Variants in OXCT1 observed in about 807,000 individuals in gnomAD.
OXCT1 encodes the protein succinyl-CoA:3-ketoacid coenzyme A transferase 1, mitochondrial.
In OXCT1, 27 loss-of-function variants were observed where a neutral mutation model predicts 69.6. The ratio of observed to expected loss-of-function variants is 0.39; its 90% confidence interval spans 0.29 to 0.54. The LOEUF (loss-of-function observed/expected upper bound fraction) is 0.54, where lower values mean the gene tolerates loss of function less well. Among genes scored for constraint, OXCT1 ranks in the 20% least tolerant of loss-of-function variants. The probability of loss-of-function intolerance (pLI) is 0.72; values close to 1 mark genes in which losing one functional copy is unlikely to be tolerated. For synonymous variants in OXCT1, 202 were observed against 217.8 expected (o/e 0.93, Z 0.64); for missense variants, 437 against 650.2 (o/e 0.67, Z 3.57).
rs1261445521 is a variant in OXCT1 at position 41,762,023 on chromosome 5, TC to T, written c.1338+87del. 1.4e-5 allele frequency: 12 copies of T among 865,088 alleles called. No homozygotes were observed. Among genetic ancestry groups the T allele is most frequent in the Non-Finnish European group, 2.0e-5 (10 of 496,516 alleles). The allele number at this position is 865,088 out of a possible 1,614,324, so 53.6% of individuals were successfully genotyped here. A position where few individuals can be genotyped will look rare whatever the true frequency, so the allele number is the denominator to read the frequency against. On this transcript the variant is annotated intron_variant, in intron 14 of 16. Transcript: ENST00000196371. The surrounding 1 kb of genome is among the most constrained non-coding windows in gnomAD (Gnocchi z 4.0). ...CTTGAATGAGCCAGAGAAAATAAAA[TC>T]CACAGTTAGGTGACCTGGTGGTACA...
chr5:41,820,680 C>G (rs1321605732), intron 7 of OXCT1, among the ~76,000 whole-genome samples: 2 of 152,074 alleles, frequency 1.3e-5, no homozygotes, highest in Non-Finnish European at 2.9e-5. Context: ...AAGACACTTC[C>G]ATGTTTTCTC....
intron 7 of OXCT1, among the ~76,000 whole-genome samples, chr5:41,832,252 C>A (rs1467079814): frequency 6.6e-6 from 1 of 152,176 alleles, no homozygotes; most frequent in Non-Finnish European, 1.5e-5. Flanking sequence ...TGGCTTTAGG[C>A]CTGACCCACC....
intron 9 of OXCT1, 26 bp downstream of exon 9, chr5:41,805,541 C>T (rs749855607): frequency 2.0e-6 from 3 of 1,493,846 alleles, no homozygotes; most frequent in Non-Finnish European, 9.3e-7. Context: ...TATGTCTTTG[C>T]CCGGGCTCAG....
At chr5:41,735,243 C>T (rs1742828479) in intron 16 of OXCT1, among the ~76,000 whole-genome samples, 1 of 152,072 alleles carries the variant, frequency 6.6e-6, no homozygotes, top group Admixed American at 6.6e-5. Flanking sequence ...TATATATGCA[C>T]AATGAAATAT....
At chr5:41,858,783 G>A (rs747974211) in intron 3 of OXCT1, among the ~76,000 whole-genome samples, 1 of 151,966 alleles carries the variant, frequency 6.6e-6, no homozygotes, top group Non-Finnish European at 1.5e-5. Context: ...TATTTCTTTT[G>A]TTTACTTTTC....
At chr5:41,849,557 T>C (rs1006001340) in intron 5 of OXCT1, among the ~76,000 whole-genome samples, 3 of 152,170 alleles carry the variant, frequency 2.0e-5, no homozygotes, top group Non-Finnish European at 2.9e-5. Flanking sequence ...ACAAAATAAA[T>C]AGTGACCATA....
At position 41,840,519 on chromosome 5, in the gene OXCT1, G is replaced by C. The variant is rs750352316; in HGVS notation, c.672-8C>G. Reference sequence around the variant, plus strand: ...AAATTCCTTGCACTTTTCCTACAGGGGTGGAGGAGATAAGAAAGTGGGGGG... The same window carrying C: ...AAATTCCTTGCACTTTTCCTACAGGCGTGGAGGAGATAAGAAAGTGGGGGG... On this transcript the variant is annotated splice_polypyrimidine_tract_variant and splice_region_variant and intron_variant, in intron 6 of 16. Transcript: ENST00000196371. The C allele has an allele frequency of 5.6e-6, 9 of 1,606,140 alleles. No homozygotes were observed. Among genetic ancestry groups the C allele is most frequent in the Non-Finnish European group, 6.8e-6 (8 of 1,174,076 alleles).
chr5:41,803,025 T>C, intron 10 of OXCT1, 44 bp downstream of exon 10: 1 of 1,320,966 alleles, frequency 7.6e-7, no homozygotes, highest in Non-Finnish European at 1.1e-6. Context: ...AAATATCTCA[T>C]TCTTCATTAA....
chr5:41,850,330 G>T, intron 4 of OXCT1, 151 bp from the exon 5 acceptor site: 1 of 858,710 alleles, frequency 1.2e-6, no homozygotes, highest in Non-Finnish European at 1.8e-6. Context: ...AATATTGTAT[G>T]CTAGAAGATC....
rs1394068551 is a variant in OXCT1, at chr5:41,845,061, T to C, written c.565-2280A>G. Among the ~76,000 whole-genome samples the C allele has an allele frequency of 2.0e-5, 3 of 152,160 alleles. No homozygotes were observed. In the East Asian group the frequency reaches 5.8e-4, roughly 29 times the overall value. ...TCCATAGGCTTCCCACTGCGTTCCG[T>C]AAAATTCAAACTTTGCATGAATTTG... On this transcript the variant is annotated intron_variant, in intron 5 of 16. Transcript: ENST00000196371.
chr5:41,867,916 T>G (rs906910930), intron 1 of OXCT1, among the ~76,000 whole-genome samples: 21 of 152,038 alleles, frequency 1.4e-4, no homozygotes, highest in Non-Finnish European at 2.5e-4. Flanking sequence ...AGAAGATACC[T>G]CCCAATAGTC....
At chr5:41,835,636 T>G (rs990082875) in intron 7 of OXCT1, among the ~76,000 whole-genome samples, 1 of 152,204 alleles carries the variant, frequency 6.6e-6, no homozygotes, top group Non-Finnish European at 1.5e-5. Flanking sequence ...TAAAAGTAAT[T>G]ATATTTATGT....
chr5:41,777,171 A>T (rs1158666521), intron 13 of OXCT1, among the ~76,000 whole-genome samples: 1 of 152,150 alleles, frequency 6.6e-6, no homozygotes, highest in East Asian at 1.9e-4. Context: ...TAATCCCAGC[A>T]CTTTGGGAGG....
At position 41,818,805 on chromosome 5, in the gene OXCT1, T is replaced by A. The variant is rs182658214; in HGVS notation, c.733-11367A>T. Among the ~76,000 whole-genome samples, 825 of 152,110 alleles carry A rather than the reference T, an allele frequency of 5.4e-3. 9 individuals are homozygous for A. Among genetic ancestry groups the A allele is most frequent in the Middle Eastern group, 0.01 (3 of 294 alleles). On this transcript the variant is annotated intron_variant, in intron 7 of 16. Coordinates refer to ENST00000196371, the MANE Select transcript of OXCT1 (RefSeq NM_000436.4). ...AAAATTAACAAAAGGGGTCAATGAA[T>A]CATATTTATCACTTTTTCCCACATT...
intron 3 of OXCT1, among the ~76,000 whole-genome samples, chr5:41,859,390 T>G (rs1395271085): frequency 6.6e-6 from 1 of 152,148 alleles, no homozygotes; most frequent in African/African-American, 2.4e-5. Context: ...TATCTCAAAC[T>G]GCAAAAGTTA....
intron 3 of OXCT1, among the ~76,000 whole-genome samples, chr5:41,855,262 G>C (rs1749377873): frequency 6.6e-6 from 1 of 152,154 alleles, no homozygotes; most frequent in Non-Finnish European, 1.5e-5. Flanking sequence ...ATTGGTAGTG[G>C]GAGAAGAGAA....
At chr5:41,773,942 T>C (rs1745004006) in intron 13 of OXCT1, among the ~76,000 whole-genome samples, 1 of 152,162 alleles carries the variant, frequency 6.6e-6, no homozygotes, top group Non-Finnish European at 1.5e-5. Context: ...TAAGTTAAGG[T>C]ACATGTTAAA....
In OXCT1 at chr5:41,840,519, G is replaced by T; in HGVS notation, c.672-8C>A. 1 of 1,606,258 alleles carries T rather than the reference G, an allele frequency of 6.2e-7. No homozygotes were observed. The highest frequency in any genetic ancestry group is 8.5e-7 in the Non-Finnish European group (1 of 1,174,068). The stretch of plus-strand genomic sequence containing the variant: ...AAATTCCTTGCACTTTTCCTACAGG[G>T]GTGGAGGAGATAAGAAAGTGGGGGG... On this transcript the variant is annotated splice_polypyrimidine_tract_variant and splice_region_variant and intron_variant, in intron 6 of 16. Transcript: ENST00000196371.
intron 13 of OXCT1, among the ~76,000 whole-genome samples, chr5:41,790,167 CAGCCCTGTCCAGTGGGCT>C (rs1745847204): frequency 6.6e-6 from 1 of 152,228 alleles, no homozygotes; most frequent in African/African-American, 2.4e-5. Context: ...TCACGTACTG[CAGCCCTGTCCAGTGGGCT>C]GCTATTTTGT....
Sources: allele counts gnomAD v4.1 joint callset (sites outside exome capture counted in the v4.1 genomes callset), GRCh38; gene constraint gnomAD v4.1.1; non-coding constraint Gnocchi (gnomAD v3.1); transcripts MANE v1.5; gene names NCBI Gene and HGNC (gene_info 2026-07-23, HGNC 2026-07-21).